Variants in PAPOLA observed in about 807,000 individuals in gnomAD.
PAPOLA encodes poly(A) polymerase alpha, also known as polynucleotide adenylyltransferase alpha.
A neutral mutation model predicts 100.6 loss-of-function variants in PAPOLA; 15 were observed. The ratio of observed to expected loss-of-function variants is 0.15; its 90% CI spans 0.10 to 0.23. The LOEUF (loss-of-function observed/expected upper bound fraction) is 0.23, where lower values mean the gene tolerates loss of function less well. Ranked by LOEUF, PAPOLA falls within the 10% of genes least tolerant of loss-of-function variation. The probability of loss-of-function intolerance (pLI) is 1.00; values close to 1 mark genes in which losing one functional copy is unlikely to be tolerated. For missense variants in PAPOLA, 533 were observed against 884.2 expected (o/e 0.60, Z 5.04); for synonymous variants, 293 against 300.0 (o/e 0.98, Z 0.24).
At chr14:96,560,398 G>T in intron 19 of PAPOLA, 3 of 321,506 alleles carry the variant, frequency 9.3e-6, no homozygotes, top group Non-Finnish European at 1.7e-5. Context: ...TAGTGGTTTT[G>T]GAAATGTACT....
chr14:96,545,925 A>G (rs1329656713), intron 15 of PAPOLA, among the ~76,000 whole-genome samples: 1 of 152,102 alleles, frequency 6.6e-6, no homozygotes, highest in African/African-American at 2.4e-5. Context: ...TGTACATTGC[A>G]TTCAAGTTAA....
rs1901291134 is a variant in PAPOLA, at chr14:96,556,007, A to G, written c.1765+60A>G. Reference sequence around the variant, plus strand: ...TTACATTATATTTGGTTTAGCCTTCATTTTGAAAAGTGGGTTTGTTAAGTA... The same window carrying G: ...TTACATTATATTTGGTTTAGCCTTCGTTTTGAAAAGTGGGTTTGTTAAGTA... On this transcript the variant is annotated intron_variant, in intron 18 of 21. Transcript: ENST00000216277. 3.9e-6 allele frequency: 5 copies of G among 1,298,046 alleles called. No individual in the cohort carries two copies. The Admixed American group carries it at 5.4e-5, about 14-fold the overall frequency. 80.4% of individuals were successfully genotyped at this position (1,298,046 alleles called of 1,614,324 possible). A position where few individuals can be genotyped will look rare whatever the true frequency, so the allele number is the denominator to read the frequency against.
Position 96,502,523 on chromosome 14 carries a change from A to C in PAPOLA, c.-70A>C. The C allele has an allele frequency of 7.9e-7, 1 of 1,269,046 alleles. No individual in the cohort carries two copies. The highest frequency in any genetic ancestry group is 1.1e-6 in the Non-Finnish European group (1 of 900,820). The allele number at this position is 1,269,046 out of a possible 1,614,324, so 78.6% of individuals were successfully genotyped here. Reference sequence around the variant, plus strand: ...CCCCCCCTCCCTCCCGCCTCAGTGGATCATGCCCAGGGCGGCAGCGGCGGC... The same window carrying C: ...CCCCCCCTCCCTCCCGCCTCAGTGGCTCATGCCCAGGGCGGCAGCGGCGGC... On this transcript the variant is annotated 5_prime_UTR_variant, in exon 1 of 22. Coordinates refer to ENST00000216277, the MANE Select transcript of PAPOLA (RefSeq NM_032632.5).
At chr14:96,554,602 G>A (rs749546517) in intron 17 of PAPOLA, among the ~76,000 whole-genome samples, 2 of 152,134 alleles carry the variant, frequency 1.3e-5, no homozygotes, top group Non-Finnish European at 2.9e-5. Flanking sequence ...CTGAGAGAGA[G>A]AGAGAGAAAG....
At chr14:96,556,461 C>A in intron 19 of PAPOLA, 48 bp downstream of exon 19, 1 of 1,196,256 alleles carries the variant, frequency 8.4e-7, no homozygotes, top group Non-Finnish European at 1.2e-6. Flanking sequence ...CACCAACTGC[C>A]TATTTTTAAA....
intron 19 of PAPOLA, among the ~76,000 whole-genome samples, chr14:96,556,920 T>G (rs372147754): frequency 3.5e-4 from 54 of 152,330 alleles, no homozygotes; most frequent in African/African-American, 1.0e-3. Context: ...AATGGTTAGC[T>G]CTCTAACCCT....
chr14:96,534,521 G>T lies in PAPOLA; in HGVS notation c.867G>T (p.Gln289His). The T allele has an allele frequency of 7.4e-6, 12 of 1,613,918 alleles. No individual in the cohort carries two copies. Among genetic ancestry groups the T allele is most frequent in the Non-Finnish European group, 1.0e-5 (12 of 1,179,892 alleles). ...WEWPNPVLLK[Q>H]PEECNLNLPV... ...GGCCAAATCCAGTGCTATTGAAACA[G>T]CCTGAAGAATGCAATCTTAATTTGC... The change falls in exon 10 of 22, where the codon CAG becomes CAT. Residue 289 changes from glutamine (Q) to histidine (H), a missense_variant. By Grantham distance (24) the Gln-to-His change is conservative. Coordinates refer to ENST00000216277, the MANE Select transcript of PAPOLA (RefSeq NM_032632.5).
intron 3 of PAPOLA, among the ~76,000 whole-genome samples, chr14:96,522,112 C>CTTTTTTTTTTTTTTTTTTTTTTTTTTTT (rs1350167869): frequency 1.0e-5 from 1 of 98,714 alleles, no homozygotes; most frequent in African/African-American, 5.1e-5. Flanking sequence ...CTCTTTCTTT[C>CTTTTTTTTTTTTTTTTTTTTTTTTTTTT]TTTCTTTTTT....
At position 96,566,753 on chromosome 14, in the gene PAPOLA, C is replaced by T. The variant is rs1902305617; in HGVS notation, c.*1703C>T. The T allele has an allele frequency of 6.6e-6, 1 of 152,502 alleles. No individual in the cohort carries two copies. Among genetic ancestry groups the T allele is most frequent in the African/African-American group, 2.4e-5 (1 of 41,394 alleles). 9.4% of individuals were successfully genotyped at this position (152,502 alleles called of 1,614,324 possible). A position where few individuals can be genotyped will look rare whatever the true frequency, so the allele number is the denominator to read the frequency against. On this transcript the variant is annotated 3_prime_UTR_variant, in exon 22 of 22. Coordinates refer to ENST00000216277, the MANE Select transcript of PAPOLA (RefSeq NM_032632.5). ...TGGTCATACTAACAGGTGAAATGTA[C>T]AAGGTGTCTGTGTGTTTTGTGTAGC...
In PAPOLA at chr14:96,566,007, C is replaced by G. The variant is rs1902241008; in HGVS notation, c.*957C>G. The G allele has an allele frequency of 5.0e-6, 2 of 397,334 alleles. No homozygotes were observed. 24.6% of individuals were successfully genotyped at this position (397,334 alleles called of 1,614,324 possible). ...TGGCACAGAACACTAAATTTTGGTC[C>G]CATGGCTGAAACTTGAGGGTGACTA... is the stretch of plus-strand genomic sequence containing the variant. On this transcript the variant is annotated 3_prime_UTR_variant, in exon 22 of 22. Coordinates refer to ENST00000216277, the MANE Select transcript of PAPOLA (RefSeq NM_032632.5).
intron 1 of PAPOLA, among the ~76,000 whole-genome samples, chr14:96,512,639 C>T (rs1036702349): frequency 6.6e-6 from 1 of 152,200 alleles, no homozygotes; most frequent in African/African-American, 2.4e-5. Flanking sequence ...TAATTATATT[C>T]TGCAACTTTT....
At chr14:96,505,361 A>C (rs1039359029) in intron 1 of PAPOLA, among the ~76,000 whole-genome samples, 1 of 152,150 alleles carries the variant, frequency 6.6e-6, no homozygotes, top group African/African-American at 2.4e-5. Flanking sequence ...CATTAACGAA[A>C]AGTGTGATGC....
chr14:96,534,865 T>TA (rs1732770090), intron 10 of PAPOLA: 26 of 1,081,574 alleles, frequency 2.4e-5, no homozygotes, highest in East Asian at 1.1e-4. Flanking sequence ...ATTTGTGCTT[T>TA]AAAAAAAATA....
chr14:96,565,751 C>T lies in PAPOLA; in HGVS notation c.*701C>T, dbSNP rs1391629762. 7.5e-6 allele frequency: 3 copies of T among 397,982 alleles called. No homozygotes were observed. The highest frequency in any genetic ancestry group is 1.3e-5 in the Non-Finnish European group (3 of 225,700). 24.7% of individuals were successfully genotyped at this position (397,982 alleles called of 1,614,324 possible). On this transcript the variant is annotated 3_prime_UTR_variant, in exon 22 of 22. Transcript: ENST00000216277. ...TTGTTTTATAGTGCATACAAATCAG[C>T]GATCAGCCAGCAAATATTTTTCTTT...
intron 6 of PAPOLA, among the ~76,000 whole-genome samples, chr14:96,529,363 A>G (rs747721553): frequency 1.2e-4 from 18 of 151,460 alleles, no homozygotes; most frequent in Middle Eastern, 6.8e-3. Flanking sequence ...TAACAGTACA[A>G]TTTTTTTTCT....
intron 17 of PAPOLA, among the ~76,000 whole-genome samples, chr14:96,554,867 T>G (rs1441629154): frequency 6.6e-6 from 1 of 152,146 alleles, no homozygotes; most frequent in Non-Finnish European, 1.5e-5. Context: ...GAATAATTTC[T>G]TTGTATAGGA....
At chr14:96,516,872 G>C (rs1352819142) in intron 1 of PAPOLA, among the ~76,000 whole-genome samples, 1 of 152,168 alleles carries the variant, frequency 6.6e-6, no homozygotes, top group African/African-American at 2.4e-5. Flanking sequence ...GTTCTAGTGA[G>C]AAAGTTAAAG....
intron 1 of PAPOLA, among the ~76,000 whole-genome samples, chr14:96,505,984 A>G (rs375368326): frequency 2.6e-5 from 4 of 151,788 alleles, no homozygotes; most frequent in South Asian, 2.1e-4. Context: ...GCTCACTGCA[A>G]CCTCCACCTC....
intron 7 of PAPOLA, 75 bp downstream of exon 7, chr14:96,531,661 T>C (rs1165440251): frequency 6.5e-7 from 1 of 1,543,550 alleles, no homozygotes; most frequent in South Asian, 1.2e-5. Context: ...AAGTTTTGTA[T>C]TGAAGCTTTT....
Sources: allele counts gnomAD v4.1 joint callset (sites outside exome capture counted in the v4.1 genomes callset), GRCh38; gene constraint gnomAD v4.1.1; transcripts MANE v1.5; gene names NCBI Gene and HGNC (gene_info 2026-07-23, HGNC 2026-07-21).